LRP8: variants seen among roughly 807,000 people sequenced by gnomAD.
LRP8 encodes the protein LDL receptor related protein 8, also known as low-density lipoprotein receptor-related protein 8.
A neutral mutation model predicts 111.6 loss-of-function variants in LRP8; 46 were observed. The ratio of observed to expected loss-of-function variants is 0.41; its 90% CI spans 0.33 to 0.53. The LOEUF is 0.53. Ranked by LOEUF, LRP8 falls within the 20% of genes least tolerant of loss-of-function variation. The pLI, the probability that LRP8 is intolerant of heterozygous loss-of-function variation, is 0.20. For synonymous variants in LRP8, 464 were observed against 511.2 expected (o/e 0.91, Z 1.24); for missense variants, 959 against 1,297.4 (o/e 0.74, Z 4.01).
chr1:53,297,005 G>C (rs555536000), intron 2 of LRP8, among the ~76,000 whole-genome samples: 2 of 151,842 alleles, frequency 1.3e-5, no homozygotes, highest in African/African-American at 4.8e-5. Flanking sequence ...GCAGATCTGG[G>C]GTCCAGCAGC....
In LRP8 at chr1:53,250,772, A is replaced by G; in HGVS notation, c.2594T>C (p.Val865Ala). Residue 865 changes from valine (V) to alanine (A), a missense_variant, in exon 17 of 19, where the codon GTC (valine) becomes GCC (alanine). Coordinates refer to ENST00000306052, the MANE Select transcript of LRP8 (RefSeq NM_004631.5). This position sits in a 1 kb window ranked among gnomAD's most constrained non-coding sequence, Gnocchi z 4.6. ...NTKSMNFDNP[V>A]YRKTTEEEDE... ...TTCTTCTTCTGTTGTTTTCCTGTAG[A>G]CTGGGTTGTCAAAATTCATGCTTTT... The G allele has an allele frequency of 6.2e-7, 1 of 1,614,054 alleles. No individual in the cohort carries two copies. The highest frequency in any genetic ancestry group is 2.2e-5 in the East Asian group (1 of 44,884).
chr1:53,271,889 A>T (rs1646771087), intron 6 of LRP8, among the ~76,000 whole-genome samples: 2 of 151,742 alleles, frequency 1.3e-5, no homozygotes, highest in Non-Finnish European at 2.9e-5. Flanking sequence ...TTGTGCTCCC[A>T]GCTCTGCTGT....
At chr1:53,312,543 A>C (rs1412785473) in intron 2 of LRP8, among the ~76,000 whole-genome samples, 1 of 149,948 alleles carries the variant, frequency 6.7e-6, no homozygotes, top group East Asian at 2.0e-4. Flanking sequence ...TTTTTTTGAG[A>C]GACGGAGTCT....
intron 16 of LRP8, among the ~76,000 whole-genome samples, chr1:53,251,353 G>T (rs1239463592): frequency 1.3e-5 from 2 of 152,108 alleles, no homozygotes; most frequent in Admixed American, 6.5e-5. Context: ...CCAAAACTGG[G>T]GGGTGGAGAG....
At chr1:53,248,952 A>G (rs1405241416) in intron 18 of LRP8, among the ~76,000 whole-genome samples, 6 of 152,222 alleles carry the variant, frequency 3.9e-5, no homozygotes, top group Admixed American at 3.9e-4. Context: ...GAAAGAAGTG[A>G]CTGAGATCAC....
intron 2 of LRP8, among the ~76,000 whole-genome samples, chr1:53,304,214 A>C (rs1169913174): frequency 6.6e-6 from 1 of 152,202 alleles, no homozygotes; most frequent in African/African-American, 2.4e-5. Flanking sequence ...ACCCCCAAAG[A>C]GAGTGTGATT....
chr1:53,288,847 G>A (rs760471436), intron 3 of LRP8, among the ~76,000 whole-genome samples: 1 of 152,190 alleles, frequency 6.6e-6, no homozygotes, highest in Admixed American at 6.5e-5. Flanking sequence ...GTCACAGAAT[G>A]ACCTGCCGGG....
chr1:53,247,042 G>C lies in LRP8; in HGVS notation c.2868C>G (p.Ser956Arg), dbSNP rs766258130. ...PVVKSKRVAL[S>R]LEDDGLP Reference sequence around the variant, plus strand: ...CTCAGGGTAGTCCATCATCTTCAAGGCTTAATGCCACTCGCTGGGGAGACA... The same window carrying C: ...CTCAGGGTAGTCCATCATCTTCAAGCCTTAATGCCACTCGCTGGGGAGACA... The change falls in exon 19 of 19, where the codon AGC (serine) becomes AGG (arginine). Residue 956 changes from serine to arginine, a missense_variant. This residue lies in a region of LRP8 where 819 missense variants were observed against 1,097.6 expected (regional missense o/e 0.75). Transcript: ENST00000306052. 1 of 1,602,280 alleles carries C rather than the reference G, an allele frequency of 6.2e-7. No individual in the cohort carries two copies. Among genetic ancestry groups the C allele is most frequent in the South Asian group, 1.1e-5 (1 of 88,138 alleles).
intron 2 of LRP8, among the ~76,000 whole-genome samples, chr1:53,311,110 G>A (rs928838001): frequency 6.6e-6 from 1 of 152,134 alleles, no homozygotes; most frequent in African/African-American, 2.4e-5. Context: ...GCTCTGAGCT[G>A]CCATGCCCTC....
At chr1:53,283,262 C>A (rs1244311859) in intron 3 of LRP8, among the ~76,000 whole-genome samples, 1 of 152,086 alleles carries the variant, frequency 6.6e-6, no homozygotes, top group Non-Finnish European at 1.5e-5. Context: ...CGGGCCCTCA[C>A]CAGACACGGA....
chr1:53,304,973 C>A (rs542235291), intron 2 of LRP8: 1 of 152,420 alleles, frequency 6.6e-6, no homozygotes, highest in East Asian at 1.9e-4. Context: ...CATGGCTCCC[C>A]CAGTAAGACA....
intron 14 of LRP8, 197 bp downstream of exon 14, chr1:53,258,122 G>A: frequency 2.3e-6 from 1 of 436,922 alleles, no homozygotes; most frequent in East Asian, 3.6e-5. Flanking sequence ...CCTTGGGAGT[G>A]AGAAAAAGCT....
intron 2 of LRP8, among the ~76,000 whole-genome samples, chr1:53,325,684 A>G (rs1183641244): frequency 6.6e-6 from 1 of 152,246 alleles, no homozygotes; most frequent in East Asian, 1.9e-4. Flanking sequence ...ACGATTCAAC[A>G]GAGAGGGTGC....
At chr1:53,321,119 A>T (rs1213416505) in intron 2 of LRP8, among the ~76,000 whole-genome samples, 2 of 152,218 alleles carry the variant, frequency 1.3e-5, no homozygotes, top group Non-Finnish European at 2.9e-5. Flanking sequence ...CCCTTGAGGA[A>T]ACGACTTTGG....
intron 2 of LRP8, among the ~76,000 whole-genome samples, chr1:53,290,596 A>G (rs1648543951): frequency 6.6e-6 from 1 of 152,154 alleles, no homozygotes; most frequent in Non-Finnish European, 1.5e-5. Flanking sequence ...GAGCTGAGAT[A>G]AGAATGCAGG....
chr1:53,314,025 T>C (rs1653453695), intron 2 of LRP8, among the ~76,000 whole-genome samples: 1 of 152,066 alleles, frequency 6.6e-6, no homozygotes, highest in African/African-American at 2.4e-5. Context: ...CGGGACCTTC[T>C]TCCTTCCCCT....
chr1:53,244,435 C>G lies in LRP8; in HGVS notation c.*2583G>C, dbSNP rs988145121. Reference sequence around the variant, plus strand: ...AAAAGGCAAAAGATATGTAACTGTACCTCAAAATGAGGCTGAAAAGCCTCT... The same window carrying G: ...AAAAGGCAAAAGATATGTAACTGTAGCTCAAAATGAGGCTGAAAAGCCTCT... On this transcript the variant is annotated 3_prime_UTR_variant, in exon 19 of 19. Transcript: ENST00000306052. 1.3e-4 allele frequency: 20 copies of G among 152,218 alleles called. No homozygotes were observed. The highest frequency in any genetic ancestry group is 4.6e-4 in the African/African-American group (19 of 41,456). 9.4% of individuals were successfully genotyped at this position (152,218 alleles called of 1,614,324 possible). A position where few individuals can be genotyped will look rare whatever the true frequency, so the allele number is the denominator to read the frequency against.
rs1332248512 is a variant in LRP8 at position 53,327,832 on chromosome 1, C to T, written c.81G>A (p.Gln27=). 1 of 1,512,832 alleles carries T rather than the reference C, an allele frequency of 6.6e-7. No individual in the cohort carries two copies. Among genetic ancestry groups the T allele is most frequent in the East Asian group, 2.6e-5 (1 of 37,756 alleles). 93.7% of individuals were successfully genotyped at this position (1,512,832 alleles called of 1,614,324 possible). A position where few individuals can be genotyped will look rare whatever the true frequency, so the allele number is the denominator to read the frequency against. ...LLLLLLLLQL[Q]HLAAAAADPL... The stretch of plus-strand genomic sequence containing the variant: ...GATCAGCCGCTGCCGCCGCAAGATG[C>T]TGGAGCTGCAGCAGCAGCAGCAGCA... Residue 27 remains glutamine (Q), a synonymous_variant, in exon 1 of 19, where the codon CAG becomes CAA. Coordinates refer to ENST00000306052, the MANE Select transcript of LRP8 (RefSeq NM_004631.5).
intron 3 of LRP8, among the ~76,000 whole-genome samples, chr1:53,285,334 C>T (rs1199219132): frequency 2.0e-5 from 3 of 152,144 alleles, no homozygotes; most frequent in African/African-American, 7.2e-5. Context: ...CTCACTGAGC[C>T]TTTGGGCAGG....
Sources: allele counts gnomAD v4.1 joint callset (sites outside exome capture counted in the v4.1 genomes callset), GRCh38; gene constraint gnomAD v4.1.1; regional missense constraint gnomAD v4.1.1; non-coding constraint Gnocchi (gnomAD v3.1); transcripts MANE v1.5; gene names NCBI Gene and HGNC (gene_info 2026-07-23, HGNC 2026-07-21).